The following LPAR1 variants were observed in gnomAD, a reference collection of about 807,000 sequenced individuals.
LPAR1 encodes the protein lysophosphatidic acid receptor 1.
Under a neutral mutation model 23.8 loss-of-function variants are expected in LPAR1, and 5 were observed. The ratio of observed to expected loss-of-function variants is 0.21; its 90% CI spans 0.11 to 0.44. The LOEUF (loss-of-function observed/expected upper bound fraction) is 0.44, where lower values mean the gene tolerates loss of function less well. LPAR1 is among the 20% of genes least tolerant of loss of function. The probability of loss-of-function intolerance (pLI) is 0.99; values close to 1 mark genes in which losing one functional copy is unlikely to be tolerated. For synonymous variants in LPAR1, 160 were observed against 164.7 expected (o/e 0.97, Z 0.22); for missense variants, 311 against 482.8 (o/e 0.64, Z 3.33).
At chr9:110,979,457 G>T (rs143582357) in intron 2 of LPAR1, among the ~76,000 whole-genome samples, 1 of 152,064 alleles carries the variant, frequency 6.6e-6, no homozygotes, top group Admixed American at 6.6e-5. Context: ...TTCCTAAAAC[G>T]TAAGGTCATA....
At chr9:110,988,500 T>C (rs1345067095) in intron 2 of LPAR1, among the ~76,000 whole-genome samples, 2 of 152,112 alleles carry the variant, frequency 1.3e-5, no homozygotes, top group Non-Finnish European at 2.9e-5. Context: ...AATATCTGAA[T>C]AGATATTTTT....
chr9:110,986,748 T>C (rs1342196004), intron 2 of LPAR1, among the ~76,000 whole-genome samples: 1 of 151,136 alleles, frequency 6.6e-6, no homozygotes, highest in Non-Finnish European at 1.5e-5. Flanking sequence ...AGTAAAGTGA[T>C]TCAGCCCTGA....
intron 4 of LPAR1, among the ~76,000 whole-genome samples, chr9:110,949,645 G>C (rs1224750465): frequency 6.6e-6 from 1 of 152,154 alleles, no homozygotes; most frequent in Non-Finnish European, 1.5e-5. Context: ...TAAGAAGCCA[G>C]TAGAATCATC....
intron 5 of LPAR1, among the ~76,000 whole-genome samples, chr9:110,890,668 T>C (rs1042839707): frequency 4.6e-5 from 7 of 152,234 alleles, no homozygotes; most frequent in African/African-American, 1.7e-4. Context: ...CAGCAGGAAG[T>C]ACCACCTTTC....
intron 2 of LPAR1, among the ~76,000 whole-genome samples, chr9:110,988,354 A>T (rs1018595869): frequency 2.2e-4 from 33 of 152,050 alleles, no homozygotes; most frequent in African/African-American, 7.7e-4. Context: ...CCATTTTATT[A>T]TATAAGTATC....
At chr9:111,033,501 T>C (rs1016039892) in intron 2 of LPAR1, among the ~76,000 whole-genome samples, 7 of 152,250 alleles carry the variant, frequency 4.6e-5, no homozygotes, top group African/African-American at 1.7e-4. Flanking sequence ...TTCATTAAAT[T>C]GAATTCACAA....
At chr9:110,920,774 C>A (rs1178981166) in intron 5 of LPAR1, among the ~76,000 whole-genome samples, 2 of 152,142 alleles carry the variant, frequency 1.3e-5, no homozygotes, top group African/African-American at 2.4e-5. Context: ...ATCATACCTA[C>A]AATTTCATAA....
chr9:110,989,360 CA>C (rs1215128444), intron 2 of LPAR1, among the ~76,000 whole-genome samples: 2 of 152,110 alleles, frequency 1.3e-5, no homozygotes, highest in African/African-American at 4.8e-5. Context: ...CTTAATATAT[CA>C]AAAACTATTG....
rs554350630 is a variant in LPAR1 at position 111,036,770 on chromosome 9, G to GT, written c.-261-570dup. On this transcript the variant is annotated intron_variant, in intron 1 of 5. Transcript: ENST00000683809. ...CTACCTCCTTCTCTTGCCACTTGGT[G>GT]TTTTTATCCTCAAATCAGACAAGTA... is the stretch of plus-strand genomic sequence containing the variant. 1.8e-4 allele frequency among the ~76,000 whole-genome samples: 27 copies of GT among 152,206 alleles called. No homozygotes were observed. The East Asian group carries it at 5.0e-3, about 28-fold the overall frequency.
chr9:110,906,174 C>T (rs905908490), intron 5 of LPAR1, among the ~76,000 whole-genome samples: 1 of 149,568 alleles, frequency 6.7e-6, no homozygotes, highest in South Asian at 2.1e-4. Flanking sequence ...CAAAATTCTC[C>T]CTGCTTATGT....
intron 4 of LPAR1, among the ~76,000 whole-genome samples, chr9:110,971,130 C>G (rs2096407003): frequency 6.6e-6 from 1 of 151,858 alleles, no homozygotes; most frequent in African/African-American, 2.4e-5. Flanking sequence ...GCAAGGCTCT[C>G]TCTCAAAAAA....
At chr9:110,908,980 T>G (rs2091921151) in intron 5 of LPAR1, among the ~76,000 whole-genome samples, 2 of 152,198 alleles carry the variant, frequency 1.3e-5, no homozygotes, top group Non-Finnish European at 2.9e-5. Context: ...AGTTCCTTTC[T>G]TGGGAAAGGA....
intron 5 of LPAR1, among the ~76,000 whole-genome samples, chr9:110,909,599 A>G (rs1221045146): frequency 6.6e-6 from 1 of 152,224 alleles, no homozygotes; most frequent in Non-Finnish European, 1.5e-5. Flanking sequence ...CTTCTCCAGC[A>G]GCATGTGCTC....
At chr9:110,905,954 C>A (rs1001583228) in intron 5 of LPAR1, among the ~76,000 whole-genome samples, 1 of 152,126 alleles carries the variant, frequency 6.6e-6, no homozygotes, top group Non-Finnish European at 1.5e-5. Context: ...ATAAGAACCA[C>A]ATGAATTTCT....
intron 4 of LPAR1, among the ~76,000 whole-genome samples, chr9:110,961,202 A>G (rs1303201076): frequency 1.1e-5 from 1 of 94,640 alleles, no homozygotes; most frequent in Non-Finnish European, 2.3e-5. Flanking sequence ...ATTCATTTAT[A>G]ACCATTTTAA....
At chr9:111,024,627 T>C (rs569311394) in intron 2 of LPAR1, among the ~76,000 whole-genome samples, 2 of 151,354 alleles carry the variant, frequency 1.3e-5, no homozygotes, top group Admixed American at 1.3e-4. Flanking sequence ...GGTATAAATG[T>C]GCCATGGTGG....
chr9:110,926,690 T>G (rs567755228), intron 5 of LPAR1, among the ~76,000 whole-genome samples: 1 of 103,764 alleles, frequency 9.6e-6, no homozygotes, highest in South Asian at 2.9e-4. Context: ...GTCCGAGTGG[T>G]TTTGTGTTTT....
rs1397381863 is a variant in LPAR1 at position 110,892,854 on chromosome 9, CAGGCAGGCAGGCAT to C, written c.794-17146_794-17133del. 1.1e-3 allele frequency among the ~76,000 whole-genome samples: 132 copies of C among 115,452 alleles called. 2 individuals are homozygous for C. Among genetic ancestry groups the C allele is most frequent in the African/African-American group, 3.4e-3 (126 of 36,940 alleles). The allele number at this position is 115,452 out of a possible 152,430, so 75.7% of individuals were successfully genotyped here. A position where few individuals can be genotyped will look rare whatever the true frequency, so the allele number is the denominator to read the frequency against. On this transcript the variant is annotated intron_variant, in intron 5 of 5. Coordinates refer to ENST00000683809, the MANE Select transcript of LPAR1 (RefSeq NM_001351411.2). The stretch of plus-strand genomic sequence containing the variant: ...GCAGGCAGGCAGGCAGGCAGGCAGG[CAGGCAGGCAGGCAT>C]GCAGGCAGGCAGGCTCAAAAACACT...
Position 110,873,585 on chromosome 9 carries a change from C to A in LPAR1, c.*1836G>T, listed in dbSNP as rs550663074. The A allele has an allele frequency of 6.6e-6, 1 of 152,480 alleles. No individual in the cohort carries two copies. The highest frequency in any genetic ancestry group is 2.1e-4 in the South Asian group (1 of 4,826). The allele number at this position is 152,480 out of a possible 1,614,324, so 9.4% of individuals were successfully genotyped here. A position where few individuals can be genotyped will look rare whatever the true frequency, so the allele number is the denominator to read the frequency against. ...CCTCCTGACCTCCCCTGACCTGCTT[C>A]ACCACTGTGTTACCTCACTGGTTAC... On this transcript the variant is annotated 3_prime_UTR_variant, in exon 6 of 6. Coordinates refer to ENST00000683809, the MANE Select transcript of LPAR1 (RefSeq NM_001351411.2).
Sources: gnomAD v4.1 joint callset for allele counts (sites outside exome capture counted in the v4.1 genomes callset) on GRCh38, gnomAD v4.1.1 for gene constraint, MANE v1.5 for transcripts, NCBI Gene and HGNC (gene_info 2026-07-23, HGNC 2026-07-21) for gene names.